The following PDE4D variants were observed in gnomAD, a reference collection of about 807,000 sequenced individuals.
PDE4D encodes the protein 3',5'-cyclic-AMP phosphodiesterase 4D.
A neutral mutation model predicts 87.4 loss-of-function variants in PDE4D; 24 were observed. That is an observed-to-expected ratio of 0.27 (90% CI 0.20 to 0.39). The LOEUF (loss-of-function observed/expected upper bound fraction) is 0.39, where lower values mean the gene tolerates loss of function less well. PDE4D is among the 10% of genes least tolerant of loss of function. PDE4D has a pLI of 1.00. For missense variants in PDE4D, 714 were observed against 1,041.0 expected (o/e 0.69, Z 4.32); for synonymous variants, 384 against 383.2 (o/e 1.00, Z -0.02).
chr5:59,769,450 T>C (rs1345192411), intron 1 of PDE4D, among the ~76,000 whole-genome samples: 1 of 152,244 alleles, frequency 6.6e-6, no homozygotes, highest in Non-Finnish European at 1.5e-5. Context: ...CAATTTTATG[T>C]ATTCAACTAT....
intron 1 of PDE4D, among the ~76,000 whole-genome samples, chr5:59,492,661 A>G (rs1322081658): frequency 6.6e-6 from 1 of 152,158 alleles, no homozygotes; most frequent in African/African-American, 2.4e-5. Flanking sequence ...TGGAAATAAT[A>G]CCAGGGAAGT....
chr5:59,551,375 C>G (rs1818089409), intron 1 of PDE4D, among the ~76,000 whole-genome samples: 1 of 150,092 alleles, frequency 6.7e-6, no homozygotes, highest in Non-Finnish European at 1.5e-5. Context: ...AAGAAAGAAT[C>G]TAACTTTATA....
chr5:59,482,588 G>T (rs931855), intron 1 of PDE4D, among the ~76,000 whole-genome samples: 15,034 of 152,056 alleles, frequency 0.099, 2,355 homozygotes, highest in African/African-American at 0.32. Flanking sequence ...AAGGTGATTC[G>T]CCCTTGTTGT....
At chr5:59,104,542 A>G (rs1012626942) in intron 5 of PDE4D, among the ~76,000 whole-genome samples, 1 of 152,202 alleles carries the variant, frequency 6.6e-6, no homozygotes, top group Admixed American at 6.5e-5. Flanking sequence ...AATGTGCCAC[A>G]TTTTACCACA....
chr5:60,476,123 C>A (rs1748299698), intron 1 of PDE4D, among the ~76,000 whole-genome samples: 1 of 152,128 alleles, frequency 6.6e-6, no homozygotes, highest in South Asian at 2.1e-4. Flanking sequence ...TTTCCTCATT[C>A]CAAGTAATAA....
intron 1 of PDE4D, among the ~76,000 whole-genome samples, chr5:60,337,482 G>T (rs1757917869): frequency 6.7e-6 from 1 of 149,822 alleles, no homozygotes; most frequent in South Asian, 2.1e-4. Context: ...AGGAGGGAGA[G>T]CTTTTGAGGG....
intron 1 of PDE4D, among the ~76,000 whole-genome samples, chr5:59,739,315 G>C (rs1346897416): frequency 6.6e-6 from 1 of 152,068 alleles, no homozygotes; most frequent in Non-Finnish European, 1.5e-5. Context: ...AGCTATTCGG[G>C]AGGCTGAGAT....
Position 60,396,302 on chromosome 5 carries a change from T to G in PDE4D, c.-90+91640A>C, listed in dbSNP as rs988261103. 6.6e-5 allele frequency among the ~76,000 whole-genome samples: 10 copies of G among 152,314 alleles called. No individual in the cohort carries two copies. In the East Asian group the frequency reaches 1.5e-3, roughly 24 times the overall value. On this transcript the variant is annotated intron_variant, in intron 1 of 16. Coordinates refer to the PDE4D transcript ENST00000502484. Reference sequence around the variant, plus strand: ...AGGAGTAAAAATAAGAAAAGCCTCCTGTGTCTTCCTTTATGAAGTCAGGAA... The same window carrying G: ...AGGAGTAAAAATAAGAAAAGCCTCCGGTGTCTTCCTTTATGAAGTCAGGAA...
intron 1 of PDE4D, among the ~76,000 whole-genome samples, chr5:59,579,691 G>A (rs1019513069): frequency 2.6e-5 from 4 of 152,206 alleles, no homozygotes; most frequent in African/African-American, 9.7e-5. Context: ...GAATAGAGCT[G>A]AATTCATCTA....
At position 59,893,596 on chromosome 5, in the gene PDE4D, CG is replaced by C; in HGVS notation, c.26del (p.Pro9ArgfsTer128). ...TGCCCTCTCCGCTGCCCGCCCGGGC[CG>C]GCGCGCTGCTGCCCTCTGCCTCCAT... MEAEGSSA[P>X]ARAGSGEGSD... On this transcript the variant is annotated frameshift_variant, in exon 1 of 15. Coordinates refer to ENST00000340635, the MANE Select transcript of PDE4D (RefSeq NM_001104631.2). LOFTEE classifies it high-confidence loss of function. 6.6e-7 allele frequency: 1 copy of C among 1,519,962 alleles called. No individual in the cohort carries two copies. Among genetic ancestry groups the C allele is most frequent in the Non-Finnish European group, 8.8e-7 (1 of 1,135,102 alleles). The allele number at this position is 1,519,962 out of a possible 1,614,324, so 94.2% of individuals were successfully genotyped here. A position where few individuals can be genotyped will look rare whatever the true frequency, so the allele number is the denominator to read the frequency against.
intron 2 of PDE4D, among the ~76,000 whole-genome samples, chr5:60,092,030 G>A (rs1288080945): frequency 8.7e-6 from 1 of 115,084 alleles, no homozygotes; most frequent in Non-Finnish European, 1.6e-5. Context: ...CAGCCTGGGC[G>A]ACAGAGCGAA....
intron 6 of PDE4D, among the ~76,000 whole-genome samples, chr5:58,995,155 T>C (rs1223575669): frequency 1.3e-5 from 2 of 152,148 alleles, no homozygotes; most frequent in African/African-American, 2.4e-5. Context: ...TAAATTCACT[T>C]CTTTGTTCAT....
At chr5:59,191,841 G>A (rs1581278753) in intron 3 of PDE4D, among the ~76,000 whole-genome samples, 1 of 152,134 alleles carries the variant, frequency 6.6e-6, no homozygotes, top group South Asian at 2.1e-4. Flanking sequence ...AAAGTGCTGG[G>A]ATTACAGGTA....
chr5:60,513,917 T>G (rs923419217), intron 1 of PDE4D, among the ~76,000 whole-genome samples: 2 of 150,656 alleles, frequency 1.3e-5, no homozygotes, highest in African/African-American at 2.4e-5. Flanking sequence ...TTCAATAAAT[T>G]ATATAATTAT....
chr5:60,131,365 C>T (rs1383285816), intron 2 of PDE4D, among the ~76,000 whole-genome samples: 1 of 152,104 alleles, frequency 6.6e-6, no homozygotes, highest in Non-Finnish European at 1.5e-5. Context: ...CCTGTATCCA[C>T]CCTTTTGCAA....
chr5:59,611,138 T>C (rs956593086), intron 1 of PDE4D, among the ~76,000 whole-genome samples: 4 of 152,234 alleles, frequency 2.6e-5, no homozygotes, highest in Admixed American at 6.5e-5. Flanking sequence ...CAGAAATTTA[T>C]TGCTGACAGT....
chr5:59,602,178 CA>C (rs1371714270), intron 1 of PDE4D, among the ~76,000 whole-genome samples: 26 of 152,146 alleles, frequency 1.7e-4, no homozygotes, highest in African/African-American at 6.3e-4. Context: ...ACTATATCAT[CA>C]TTTCAATAGA....
chr5:60,486,114 G>A lies in PDE4D; in HGVS notation c.-90+1828C>T, dbSNP rs185926813. 3.0e-3 allele frequency among the ~76,000 whole-genome samples: 461 copies of A among 152,346 alleles called. 2 individuals carry two copies. The highest frequency in any genetic ancestry group is 4.3e-3 in the Non-Finnish European group (293 of 68,028). On this transcript the variant is annotated intron_variant, in intron 1 of 16. Coordinates refer to the PDE4D transcript ENST00000502484. ...ATGGACCTAAGGAAAAAGAGGAGCT[G>A]AGTTGAAGTCAGGAGCTGATTCAGA...
In PDE4D at chr5:60,344,517, A is replaced by G. The variant is rs980025903; in HGVS notation, c.-90+143425T>C. ...AGTGACCAAAATGAAGGACCCATAA[A>G]GCCTTTCTGATTCTCTACTAAGTAC... On this transcript the variant is annotated intron_variant, in intron 1 of 16. Transcript: ENST00000502484. 3.9e-5 allele frequency among the ~76,000 whole-genome samples: 6 copies of G among 152,264 alleles called. No individual in the cohort carries two copies. In the East Asian group the frequency reaches 1.2e-3, roughly 29 times the overall value.
Sources: allele counts gnomAD v4.1 joint callset (sites outside exome capture counted in the v4.1 genomes callset), GRCh38; gene constraint gnomAD v4.1.1; transcripts MANE v1.5; gene names NCBI Gene and HGNC (gene_info 2026-07-23, HGNC 2026-07-21).